The following GSTA5 variants were observed in gnomAD, a reference collection of about 807,000 sequenced individuals.
The protein encoded by GSTA5 is glutathione S-transferase A5.
Under a neutral mutation model 21.8 loss-of-function variants are expected in GSTA5, and 25 were observed. That is an observed-to-expected ratio of 1.14 (90% CI 0.83 to 1.60). The LOEUF (loss-of-function observed/expected upper bound fraction) is 1.60, where lower values mean the gene tolerates loss of function less well. Ranked by LOEUF, GSTA5 falls within the 40% of genes most tolerant of loss-of-function variation. The pLI, the probability that GSTA5 is intolerant of heterozygous loss-of-function variation, is 0.00. For synonymous variants in GSTA5, 102 were observed against 89.5 expected, an observed-to-expected ratio of 1.14 and a Z score of -0.78; for missense variants, 330 against 259.2, an observed-to-expected ratio of 1.27 and a Z score of -1.88.
At chr6:52,841,502 T>G (rs550328784), upstream of GSTA5, among the ~76,000 whole-genome samples, 1 of 152,368 alleles carries the variant, frequency 6.6e-6, no homozygotes, top group South Asian at 2.1e-4. Context: ...GCTTCAGACT[T>G]GTTTTACTGT....
chr6:52,832,032 C>A (rs1764224094), intron 5 of GSTA5, 62 bp from the exon 6 acceptor site: 16 of 1,560,212 alleles, frequency 1.0e-5, no homozygotes, highest in Non-Finnish European at 1.3e-5. Flanking sequence ...ATTAAGATGA[C>A]CCAGGGAATG....
upstream of GSTA5, among the ~76,000 whole-genome samples, chr6:52,842,497 C>T (rs541206476): frequency 1.6e-4 from 24 of 149,772 alleles, no homozygotes; most frequent in Non-Finnish European, 2.8e-4. Flanking sequence ...CTTTAGCCTC[C>T]CAGTTTCAAG....
intron 1 of GSTA5, 118 bp from the exon 2 acceptor site, chr6:52,837,727 G>A (rs1407770539): frequency 1.4e-6 from 1 of 724,732 alleles, no homozygotes; most frequent in Non-Finnish European, 2.3e-6. Flanking sequence ...AGTTTCGCAG[G>A]ATATACAGAG....
At chr6:52,837,182 A>G (rs1764305032) in intron 2 of GSTA5, among the ~76,000 whole-genome samples, 1 of 152,206 alleles carries the variant, frequency 6.6e-6, no homozygotes, top group Admixed American at 6.5e-5. Context: ...CCTCAAGGCA[A>G]TGGCCACGTC....
intron 5 of GSTA5, among the ~76,000 whole-genome samples, chr6:52,832,637 C>T (rs1764233194): frequency 6.6e-6 from 1 of 152,118 alleles, no homozygotes; most frequent in Admixed American, 6.5e-5. Context: ...TGATAAAAGG[C>T]AAAATACTCT....
intron 2 of GSTA5, among the ~76,000 whole-genome samples, chr6:52,837,297 G>A (rs1764306771): frequency 6.6e-6 from 1 of 152,140 alleles, no homozygotes; most frequent in Non-Finnish European, 1.5e-5. Context: ...GGTCCCCCAA[G>A]CATGAAAACA....
At chr6:52,836,055 C>A (rs1234233476) in intron 3 of GSTA5, among the ~76,000 whole-genome samples, 181 bp downstream of exon 3, 1 of 152,170 alleles carries the variant, frequency 6.6e-6, no homozygotes, top group Non-Finnish European at 1.5e-5. Flanking sequence ...CTTGCCTGAA[C>A]CCTCCCCATG....
intron 2 of GSTA5, 138 bp from the exon 3 acceptor site, chr6:52,836,506 AC>A: frequency 1.1e-6 from 1 of 871,420 alleles, no homozygotes; most frequent in Non-Finnish European, 1.7e-6. Context: ...ACTTGAAACA[AC>A]TTTTTTCCTT....
chr6:52,832,710 T>C (rs1764233765), intron 5 of GSTA5, 149 bp downstream of exon 5: 6 of 1,332,306 alleles, frequency 4.5e-6, no homozygotes, highest in South Asian at 2.7e-5. Flanking sequence ...TTCTTCAAAA[T>C]TGGAGCCTGG....
At chr6:52,840,747 G>C in exon 1 of GSTA5, 1 of 1,614,104 alleles carries the variant, frequency 6.2e-7, no homozygotes, top group Admixed American at 1.7e-5. Context: ...GCTGCAGCCA[G>C]GAGCCACCGA....
intron 5 of GSTA5, 142 bp downstream of exon 5, chr6:52,832,717 C>G: frequency 7.2e-7 from 1 of 1,385,810 alleles, no homozygotes; most frequent in South Asian, 1.3e-5. Context: ...AAATTGGAGC[C>G]TGGAAGCTCA....
At chr6:52,832,249 A>G (rs1183922548) in intron 5 of GSTA5, among the ~76,000 whole-genome samples, 1 of 152,218 alleles carries the variant, frequency 6.6e-6, no homozygotes, top group Non-Finnish European at 1.5e-5. Context: ...GCTCTTGTAT[A>G]AGACAAGAAA....
At chr6:52,842,859 G>C (rs187552417), upstream of GSTA5, among the ~76,000 whole-genome samples, 1 of 152,020 alleles carries the variant, frequency 6.6e-6, no homozygotes, top group South Asian at 2.1e-4. Flanking sequence ...CTTTCAACCC[G>C]TCATCTATAT....
intron 1 of GSTA5, among the ~76,000 whole-genome samples, chr6:52,838,397 C>G (rs1764322006): frequency 1.3e-5 from 2 of 152,210 alleles, no homozygotes; most frequent in South Asian, 4.1e-4. Flanking sequence ...GATTAAATTA[C>G]AAGGTCATGC....
upstream of GSTA5, among the ~76,000 whole-genome samples, chr6:52,845,681 A>C (rs536836794): frequency 6.6e-6 from 1 of 152,346 alleles, no homozygotes; most frequent in South Asian, 2.1e-4. Flanking sequence ...ACAGGATCAC[A>C]ACTTACAACA....
At chr6:52,831,785 A>G in exon 6 of GSTA5, 2 of 1,590,762 alleles carry the variant, frequency 1.3e-6, no homozygotes, top group Non-Finnish European at 1.7e-6. Flanking sequence ...TAGGTAAAGC[A>G]CTTCATTGTT....
At chr6:52,839,301 G>T (rs1245513255) in intron 1 of GSTA5, among the ~76,000 whole-genome samples, 4 of 152,134 alleles carry the variant, frequency 2.6e-5, no homozygotes, top group Non-Finnish European at 5.9e-5. Flanking sequence ...TGGGAACCTG[G>T]GTTCCTCCCA....
intron 2 of GSTA5, 94 bp downstream of exon 2, chr6:52,837,464 A>AC (rs1724099656): frequency 5.4e-6 from 4 of 745,496 alleles, no homozygotes; most frequent in East Asian, 5.3e-5. Context: ...ACTAAATATC[A>AC]CCCCCCACAC....
chr6:52,844,026 A>G (rs1267949414), upstream of GSTA5, among the ~76,000 whole-genome samples: 2 of 4,514 alleles, frequency 4.4e-4, no homozygotes, highest in Non-Finnish European at 7.7e-3. Context: ...AGGATTTGCC[A>G]TGGGTCACAC....
Sources: gnomAD v4.1 joint callset for allele counts (sites outside exome capture counted in the v4.1 genomes callset) on GRCh38, gnomAD v4.1.1 for gene constraint, MANE v1.5 for transcripts, NCBI Gene and HGNC (gene_info 2026-07-23, HGNC 2026-07-21) for gene names.